KDM4C: variants seen among roughly 807,000 people sequenced by gnomAD.
KDM4C encodes lysine-specific demethylase 4C.
A neutral mutation model predicts 129.3 loss-of-function variants in KDM4C; 81 were observed. The observed-to-expected ratio is 0.63, with a 90% confidence interval of 0.52 to 0.75. The LOEUF (loss-of-function observed/expected upper bound fraction) is 0.75. KDM4C is among the 30% of genes least tolerant of loss of function. The probability of loss-of-function intolerance (pLI) is 0.00; values close to 1 mark genes in which losing one functional copy is unlikely to be tolerated. For missense variants in KDM4C, 1,457 were observed against 1,304.0 expected (o/e 1.12, Z -1.81); for synonymous variants, 573 against 456.1 (o/e 1.26, Z -3.26).
Position 6,917,644 on chromosome 9 carries a change from G to T in KDM4C, c.921+24412G>T, listed in dbSNP as rs1820562391. On this transcript the variant is annotated intron_variant, in intron 8 of 21. Coordinates refer to ENST00000381309, the MANE Select transcript of KDM4C (RefSeq NM_015061.6). ...GTTGTTCACGATGCCCAGCAGTCCA[G>T]CCATGTTGCCGAGTTCGTTGGCTCT... Among the ~76,000 whole-genome samples the T allele has an allele frequency of 2.0e-5, 3 of 152,136 alleles. No homozygotes were observed. The South Asian group carries it at 6.2e-4, about 32-fold the overall frequency.
At chr9:7,083,165 A>G (rs1834729293) in intron 17 of KDM4C, among the ~76,000 whole-genome samples, 1 of 152,212 alleles carries the variant, frequency 6.6e-6, no homozygotes, top group Non-Finnish European at 1.5e-5. Context: ...GAGGTTGAGT[A>G]TCTCTTATCC....
At chr9:6,865,942 A>C (rs1392742645) in intron 5 of KDM4C, among the ~76,000 whole-genome samples, 2 of 151,872 alleles carry the variant, frequency 1.3e-5, no homozygotes, top group African/African-American at 4.8e-5. Flanking sequence ...TTTAGTAGAG[A>C]CAGGGTTTCC....
chr9:6,903,138 G>A (rs767502462), intron 8 of KDM4C, among the ~76,000 whole-genome samples: 45 of 151,782 alleles, frequency 3.0e-4, no homozygotes, highest in African/African-American at 9.7e-4. Context: ...TAAAATTTTC[G>A]TAAAAGGTAT....
At chr9:6,804,871 G>A (rs571373776) in intron 2 of KDM4C, among the ~76,000 whole-genome samples, 136 of 152,088 alleles carry the variant, frequency 8.9e-4, no homozygotes, top group African/African-American at 3.2e-3. Context: ...CTTCTTTGGG[G>A]AAGAAATTAT....
At chr9:6,796,159 A>G (rs1827710792) in intron 2 of KDM4C, among the ~76,000 whole-genome samples, 1 of 152,004 alleles carries the variant, frequency 6.6e-6, no homozygotes. Context: ...AAAAAATCTC[A>G]TTTGGGCTGG....
intron 8 of KDM4C, among the ~76,000 whole-genome samples, chr9:6,949,534 C>T (rs574723854): frequency 6.6e-6 from 1 of 152,188 alleles, no homozygotes; most frequent in Non-Finnish European, 1.5e-5. Context: ...ACGCCACTGC[C>T]CTCCAGCCTG....
chr9:6,849,532 G>A lies in KDM4C; in HGVS notation c.461G>A (p.Arg154His), dbSNP rs573375664. ...GGTGTGGATGAATGGAACATAGCTC[G>A]CCTCAATACAGTCTTGGATGTGGTT... Reference protein sequence around the residue: ...DEGVDEWNIARLNTVLDVVEE... With the variant: ...DEGVDEWNIAHLNTVLDVVEE... The change falls in exon 5 of 22, where the codon CGC (arginine) becomes CAC (histidine). Residue 154 changes from arginine to histidine, a missense_variant. Transcript: ENST00000381309. 18 of 1,593,500 alleles carry A rather than the reference G, an allele frequency of 1.1e-5. No homozygotes were observed. The highest frequency in any genetic ancestry group is 1.7e-4 in the Middle Eastern group (1 of 5,994).
At chr9:6,913,884 G>A (rs1819799538) in intron 8 of KDM4C, among the ~76,000 whole-genome samples, 1 of 152,200 alleles carries the variant, frequency 6.6e-6, no homozygotes, top group Non-Finnish European at 1.5e-5. Context: ...TACTGTTAAT[G>A]TAGATGGAAG....
chr9:7,133,728 G>A (rs905667570), intron 19 of KDM4C, among the ~76,000 whole-genome samples: 3 of 152,192 alleles, frequency 2.0e-5, no homozygotes, highest in East Asian at 3.8e-4. Context: ...TGTAAAACCC[G>A]TTTCAGTGTT....
intron 15 of KDM4C, among the ~76,000 whole-genome samples, chr9:7,021,608 G>A (rs1241972922): frequency 2.6e-5 from 4 of 152,100 alleles, no homozygotes; most frequent in African/African-American, 9.7e-5. Flanking sequence ...CCCTTTCTGT[G>A]GGTTGTCTCT....
rs1023196632 is a variant in KDM4C at position 6,774,196 on chromosome 9, C to T, written c.-18+15993C>T. The stretch of plus-strand genomic sequence containing the variant: ...AGCCACCGTGCCTGGCCACCCTAGA[C>T]ATTGAAATTAATGTAACAAAATACA... On this transcript the variant is annotated intron_variant, in intron 1 of 21. Coordinates refer to ENST00000381309, the MANE Select transcript of KDM4C (RefSeq NM_015061.6). Among the ~76,000 whole-genome samples, 124 of 152,002 alleles carry T rather than the reference C, an allele frequency of 8.2e-4. 1 individual carries two copies. The highest frequency in any genetic ancestry group is 2.2e-4 in the Non-Finnish European group (15 of 68,004).
chr9:6,953,546 A>T (rs984555239), intron 8 of KDM4C, among the ~76,000 whole-genome samples: 1 of 152,220 alleles, frequency 6.6e-6, no homozygotes, highest in Admixed American at 6.5e-5. Context: ...GAAATATAAA[A>T]TTGATTTTGA....
intron 4 of KDM4C, among the ~76,000 whole-genome samples, chr9:6,837,762 T>A (rs181800789): frequency 1.3e-5 from 2 of 152,238 alleles, no homozygotes; most frequent in Non-Finnish European, 2.9e-5. Context: ...TTTGCTCTAG[T>A]TGTGGCTATT....
At chr9:7,029,847 A>G (rs1049954113) in intron 15 of KDM4C, among the ~76,000 whole-genome samples, 10 of 152,186 alleles carry the variant, frequency 6.6e-5, no homozygotes, top group African/African-American at 1.9e-4. Context: ...ACTTTGACCA[A>G]TCATGAGTTG....
intron 17 of KDM4C, among the ~76,000 whole-genome samples, chr9:7,054,623 GA>G (rs1466156364): frequency 6.6e-6 from 1 of 152,218 alleles, no homozygotes; most frequent in East Asian, 1.9e-4. Context: ...AAATTTAAGA[GA>G]AGGACATTTT....
intron 18 of KDM4C, among the ~76,000 whole-genome samples, chr9:7,121,109 G>A (rs762622899): frequency 1.3e-5 from 2 of 152,164 alleles, no homozygotes; most frequent in Non-Finnish European, 2.9e-5. Flanking sequence ...ACATATCTGT[G>A]TGAGTGACAC....
chr9:6,919,983 C>T (rs1424154689), intron 8 of KDM4C, among the ~76,000 whole-genome samples: 1 of 152,178 alleles, frequency 6.6e-6, no homozygotes, highest in African/African-American at 2.4e-5. Flanking sequence ...AATTGCCTGA[C>T]AAGTTCTTCC....
chr9:7,106,680 A>T (rs548904705), intron 18 of KDM4C, among the ~76,000 whole-genome samples: 1 of 152,166 alleles, frequency 6.6e-6, no homozygotes, highest in Non-Finnish European at 1.5e-5. Flanking sequence ...ATATATTTTT[A>T]AAATAGTTCT....
rs1419614647 is a variant in KDM4C, at chr9:7,103,967, A to G, written c.2610+97A>G. 8 of 1,085,210 alleles carry G rather than the reference A, an allele frequency of 7.4e-6. No homozygotes were observed. In the East Asian group the frequency reaches 1.3e-4, roughly 17 times the overall value. The allele number at this position is 1,085,210 out of a possible 1,614,324, so 67.2% of individuals were successfully genotyped here. A position where few individuals can be genotyped will look rare whatever the true frequency, so the allele number is the denominator to read the frequency against. On this transcript the variant is annotated intron_variant, in intron 18 of 21. Transcript: ENST00000381309. ...GACATAATGTGCTTTATTCTGTAAT[A>G]TGACTCATTGTTGACATGTCTAGAC...
Sources: allele counts gnomAD v4.1 joint callset (sites outside exome capture counted in the v4.1 genomes callset), GRCh38; gene constraint gnomAD v4.1.1; transcripts MANE v1.5; gene names NCBI Gene and HGNC (gene_info 2026-07-23, HGNC 2026-07-21).